The following WDR72 variants were observed in gnomAD, a reference collection of about 807,000 sequenced individuals.
WDR72 encodes the protein WD repeat-containing protein 72.
Under a neutral mutation model 124.2 loss-of-function variants are expected in WDR72, and 120 were observed. The ratio of observed to expected loss-of-function variants is 0.97; its 90% CI spans 0.83 to 1.12. The LOEUF is 1.12. Among genes scored for constraint, WDR72 ranks in the 50% most tolerant of loss-of-function variants. The probability of loss-of-function intolerance (pLI) is 0.00; values close to 1 mark genes in which losing one functional copy is unlikely to be tolerated. For synonymous variants in WDR72, 452 were observed against 441.7 expected, an observed-to-expected ratio of 1.02 and a Z score of -0.29; for missense variants, 1,387 against 1,278.8, an observed-to-expected ratio of 1.08 and a Z score of -1.29.
intron 18 of WDR72, among the ~76,000 whole-genome samples, chr15:53,546,275 C>G (rs1277005941): frequency 6.6e-6 from 1 of 152,074 alleles, no homozygotes; most frequent in Non-Finnish European, 1.5e-5. Flanking sequence ...AGATGTCCAA[C>G]AGTGATAGAC....
In WDR72 at chr15:53,597,178, C is replaced by A; in HGVS notation, c.3049G>T (p.Ala1017Ser). ...TTCATCTCACAGTTACCATTCTCTG[C>A]CATGGACACTGGTTGACTATTGACG... ...IPVNSQPVSMAENGNCEMKQM... is the reference protein window; with the variant it reads ...IPVNSQPVSMSENGNCEMKQM... Residue 1017 changes from alanine (A) to serine (S), a missense_variant, in exon 18 of 20, where the codon GCA becomes TCA. Ala to Ser is a moderately conservative substitution (Grantham distance 99). Coordinates refer to ENST00000360509, the MANE Select transcript of WDR72 (RefSeq NM_182758.4). 6.2e-7 allele frequency: 1 copy of A among 1,613,920 alleles called. No homozygotes were observed. The highest frequency in any genetic ancestry group is 8.5e-7 in the Non-Finnish European group (1 of 1,179,888).
intron 13 of WDR72, among the ~76,000 whole-genome samples, chr15:53,695,636 G>A (rs1256483114): frequency 6.6e-6 from 1 of 152,102 alleles, no homozygotes; most frequent in Non-Finnish European, 1.5e-5. Context: ...GAGGACGAGG[G>A]CCCTCAGTGT....
intron 18 of WDR72, chr15:53,540,904 C>T (rs367806527): frequency 1.9e-5 from 3 of 154,218 alleles, no homozygotes; most frequent in African/African-American, 7.2e-5. Flanking sequence ...AAAATCGGGT[C>T]ACTCCCACCC....
At chr15:53,519,090 A>C (rs1310229028) in intron 19 of WDR72, among the ~76,000 whole-genome samples, 1 of 152,060 alleles carries the variant, frequency 6.6e-6, no homozygotes, top group Non-Finnish European at 1.5e-5. Flanking sequence ...AAAAAGAAAA[A>C]TTATTAATTT....
intron 18 of WDR72, among the ~76,000 whole-genome samples, chr15:53,577,581 G>A (rs569707965): frequency 6.6e-6 from 1 of 152,196 alleles, no homozygotes; most frequent in African/African-American, 2.4e-5. Flanking sequence ...GATATATAAA[G>A]CAGTGTAATA....
At chr15:53,537,686 GTAT>G (rs759267233) in intron 18 of WDR72, among the ~76,000 whole-genome samples, 14 of 152,222 alleles carry the variant, frequency 9.2e-5, no homozygotes, top group South Asian at 2.1e-4. Context: ...AGTAAATTCA[GTAT>G]TATTATTATT....
At chr15:53,671,255 T>C (rs1567017501) in intron 13 of WDR72, among the ~76,000 whole-genome samples, 1 of 152,190 alleles carries the variant, frequency 6.6e-6, no homozygotes, top group Admixed American at 6.5e-5. Context: ...ATTTTCTTTT[T>C]CTTTTGTTGA....
chr15:53,697,580 T>A (rs1349459996), intron 13 of WDR72, among the ~76,000 whole-genome samples: 1 of 152,188 alleles, frequency 6.6e-6, no homozygotes, highest in Non-Finnish European at 1.5e-5. Context: ...AGTGCCTGGG[T>A]GCTGGAGGCC....
At chr15:53,720,106 T>TA (rs1005938229) in intron 3 of WDR72, among the ~76,000 whole-genome samples, 29 of 152,208 alleles carry the variant, frequency 1.9e-4, no homozygotes, top group South Asian at 4.1e-4. Flanking sequence ...TCCCATTTTT[T>TA]AAAAAAAATT....
At chr15:53,623,645 A>G (rs1442870300) in intron 14 of WDR72, among the ~76,000 whole-genome samples, 1 of 152,058 alleles carries the variant, frequency 6.6e-6, no homozygotes, top group Non-Finnish European at 1.5e-5. Context: ...TTTTGGTAGA[A>G]CTTTATTTTC....
chr15:53,540,849 G>GAGTT (rs2140256043), intron 18 of WDR72: 1 of 154,684 alleles, frequency 6.5e-6, no homozygotes, highest in East Asian at 1.9e-4. Flanking sequence ...AACGGTCAGG[G>GAGTT]AGTTCCCTTT....
chr15:53,608,794 A>AAAAATG (rs2013403757), intron 17 of WDR72, among the ~76,000 whole-genome samples: 2 of 151,736 alleles, frequency 1.3e-5, no homozygotes, highest in African/African-American at 4.8e-5. Context: ...ATATAAAAAT[A>AAAAATG]AAAACAATTG....
intron 1 of WDR72, among the ~76,000 whole-genome samples, chr15:53,738,575 CT>C (rs140598161): frequency 0.023 from 3,525 of 151,106 alleles, 141 homozygotes; most frequent in African/African-American, 0.083. Flanking sequence ...GATCACAAGC[CT>C]TTTTTTTGTT....
At chr15:53,586,888 T>A (rs915524464) in intron 18 of WDR72, among the ~76,000 whole-genome samples, 9 of 151,928 alleles carry the variant, frequency 5.9e-5, no homozygotes, top group Admixed American at 1.3e-4. Flanking sequence ...TCTCTTTTGG[T>A]TTCATCTCCT....
At chr15:53,572,356 T>C (rs1894563067) in intron 18 of WDR72, among the ~76,000 whole-genome samples, 1 of 152,198 alleles carries the variant, frequency 6.6e-6, no homozygotes, top group African/African-American at 2.4e-5. Context: ...GTTTCAGGTC[T>C]TGTGTTTAAG....
intron 14 of WDR72, among the ~76,000 whole-genome samples, chr15:53,638,126 A>C (rs987408409): frequency 6.6e-6 from 1 of 152,232 alleles, no homozygotes; most frequent in African/African-American, 2.4e-5. Context: ...GAACAAACAT[A>C]AACTTCAGCT....
intron 14 of WDR72, among the ~76,000 whole-genome samples, chr15:53,657,080 C>A (rs562457283): frequency 6.6e-6 from 1 of 151,638 alleles, no homozygotes; most frequent in South Asian, 2.1e-4. Flanking sequence ...CTGGCTAACA[C>A]AGTGAAACCC....
chr15:53,685,914 T>C (rs1347620255), intron 13 of WDR72, among the ~76,000 whole-genome samples: 1 of 132,254 alleles, frequency 7.6e-6, no homozygotes, highest in Non-Finnish European at 1.6e-5. Flanking sequence ...TTCAACATTC[T>C]TAAAGAAAAG....
chr15:53,529,163 T>A (rs1235738298), intron 18 of WDR72, among the ~76,000 whole-genome samples: 3 of 83,530 alleles, frequency 3.6e-5, no homozygotes, highest in African/African-American at 1.5e-4. Context: ...TATATATATA[T>A]ATTTTTTTTT....
Sources: gnomAD v4.1 joint callset for allele counts (sites outside exome capture counted in the v4.1 genomes callset) on GRCh38, gnomAD v4.1.1 for gene constraint, MANE v1.5 for transcripts, NCBI Gene and HGNC (gene_info 2026-07-23, HGNC 2026-07-21) for gene names.